Variants in FREM1 observed in about 807,000 individuals in gnomAD.
FREM1 encodes the protein FRAS1-related extracellular matrix protein 1.
A neutral mutation model predicts 210.1 loss-of-function variants in FREM1; 220 were observed. The ratio of observed to expected loss-of-function variants is 1.05; its 90% confidence interval spans 0.94 to 1.17. The LOEUF is 1.17. Ranked by LOEUF, FREM1 falls within the 50% of genes most tolerant of loss-of-function variation. FREM1 has a pLI of 0.00. For missense variants in FREM1, 3,454 were observed against 2,675.5 expected, an observed-to-expected ratio of 1.29 and a Z score of -6.42; for synonymous variants, 1,189 against 980.2, an observed-to-expected ratio of 1.21 and a Z score of -3.98.
At chr9:14,849,054 C>T (rs1427558624) in intron 6 of FREM1, among the ~76,000 whole-genome samples, 3 of 152,170 alleles carry the variant, frequency 2.0e-5, no homozygotes, top group African/African-American at 7.2e-5. Flanking sequence ...GCTTAGGAGA[C>T]CAACCCCTTC....
chr9:14,869,088 G>T lies in FREM1; in HGVS notation c.-111C>A. The T allele has an allele frequency of 3.0e-6, 2 of 666,034 alleles. No individual in the cohort carries two copies. Among genetic ancestry groups the T allele is most frequent in the Non-Finnish European group, 2.5e-6 (1 of 406,198 alleles). The allele number at this position is 666,034 out of a possible 1,614,324, so 41.3% of individuals were successfully genotyped here. On this transcript the variant is annotated 5_prime_UTR_variant, in exon 2 of 37. Coordinates refer to ENST00000380880, the MANE Select transcript of FREM1 (RefSeq NM_001379081.2). ...TCATAGTCCAAGGGGCAGGGTGAGG[G>T]GTCCTGACAATGTGCCCCGAGATCT...
At chr9:14,739,170 C>T (rs1013349786) in intron 36 of FREM1, among the ~76,000 whole-genome samples, 3 of 151,556 alleles carry the variant, frequency 2.0e-5, no homozygotes, top group Non-Finnish European at 2.9e-5. Context: ...GTGGCACAAT[C>T]ACGGCTCACT....
At chr9:14,799,928 C>T (rs1444636803) in intron 20 of FREM1, among the ~76,000 whole-genome samples, 1 of 149,590 alleles carries the variant, frequency 6.7e-6, no homozygotes, top group Non-Finnish European at 1.5e-5. Flanking sequence ...GATATATCTC[C>T]TAATGCTATC....
chr9:14,884,915 CT>C (rs745465527), intron 1 of FREM1, among the ~76,000 whole-genome samples: 1,417 of 70,266 alleles, frequency 0.02, 3 homozygotes, highest in African/African-American at 0.074. Context: ...TTCATCATAG[CT>C]TTTTTTTTTT....
chr9:14,904,088 C>CT (rs1279507195), intron 1 of FREM1, among the ~76,000 whole-genome samples: 1 of 133,784 alleles, frequency 7.5e-6, no homozygotes, highest in Non-Finnish European at 1.5e-5. Context: ...CGCCTCCAGC[C>CT]TGGGTGACAG....
At chr9:14,884,956 GCT>G (rs1329987779) in intron 1 of FREM1, among the ~76,000 whole-genome samples, 1 of 105,248 alleles carries the variant, frequency 9.5e-6, no homozygotes, top group Non-Finnish European at 1.7e-5. Context: ...ACGGAGTCTC[GCT>G]CTGTCGCCCA....
intron 8 of FREM1, among the ~76,000 whole-genome samples, chr9:14,843,193 G>C (rs970117232): frequency 6.6e-6 from 1 of 152,156 alleles, no homozygotes; most frequent in Non-Finnish European, 1.5e-5. Context: ...CTCTGACACT[G>C]GAGCTCCTGG....
chr9:14,749,703 T>C (rs1161586200), intron 30 of FREM1, among the ~76,000 whole-genome samples: 1 of 152,174 alleles, frequency 6.6e-6, no homozygotes, highest in African/African-American at 2.4e-5. Flanking sequence ...TTCACATCTA[T>C]TTTTCTCCAA....
In FREM1 at chr9:14,797,605, GCT is replaced by G; in HGVS notation, c.3730_3731del (p.Ser1244ProfsTer3). ...RLTYMHDDSESLADDFTIQLS... is the reference protein window; with the variant it reads ...RLTYMHDDSEXLADDFTIQLS... ...ATTGGATTGTAAAATCATCAGCAAG[GCT>G]CTCTGAGTCATCATGCATGTACGTC... On this transcript the variant is annotated frameshift_variant, in exon 21 of 37. Transcript: ENST00000380880. LOFTEE classifies it high-confidence loss of function. 1 of 1,611,580 alleles carries G rather than the reference GCT, an allele frequency of 6.2e-7. No individual in the cohort carries two copies. The highest frequency in any genetic ancestry group is 8.5e-7 in the Non-Finnish European group (1 of 1,178,372).
At chr9:14,789,155 CT>C (rs1330859925) in intron 22 of FREM1, 41 bp from the exon 23 acceptor site, 1 of 1,422,532 alleles carries the variant, frequency 7.0e-7, no homozygotes, top group Admixed American at 2.1e-5. Context: ...ATGGTTTTTT[CT>C]TTTCCCCCAA....
At chr9:14,871,121 G>A (rs1429219514) in intron 1 of FREM1, among the ~76,000 whole-genome samples, 3 of 152,142 alleles carry the variant, frequency 2.0e-5, no homozygotes, top group Admixed American at 6.5e-5. Flanking sequence ...ACATACGTGT[G>A]CATGTGTCTT....
At chr9:14,819,487 A>G in intron 13 of FREM1, 45 bp from the exon 14 acceptor site, 1 of 1,194,890 alleles carries the variant, frequency 8.4e-7, no homozygotes, top group Non-Finnish European at 1.2e-6. Flanking sequence ...TTTTTCCATG[A>G]CCCCTGAAGA....
intron 8 of FREM1, among the ~76,000 whole-genome samples, chr9:14,844,977 A>C (rs1480289108): frequency 2.0e-5 from 3 of 152,198 alleles, no homozygotes; most frequent in African/African-American, 7.2e-5. Context: ...CTGGCCTCCC[A>C]CTGTCCTGAG....
At chr9:14,781,935 C>T (rs933487442) in intron 24 of FREM1, among the ~76,000 whole-genome samples, 1 of 152,190 alleles carries the variant, frequency 6.6e-6, no homozygotes, top group African/African-American at 2.4e-5. Context: ...GAACTCCTGA[C>T]CTCAGGTGAT....
chr9:14,797,968 G>C (rs151235450), intron 20 of FREM1, among the ~76,000 whole-genome samples: 2 of 152,180 alleles, frequency 1.3e-5, no homozygotes, highest in African/African-American at 2.4e-5. Flanking sequence ...GAAAATTATA[G>C]AGTTATATCC....
chr9:14,904,109 C>CGT (rs951564210), intron 1 of FREM1, among the ~76,000 whole-genome samples: 1 of 95,270 alleles, frequency 1.0e-5, no homozygotes, highest in Non-Finnish European at 2.1e-5. Flanking sequence ...AGCAAGACTC[C>CGT]GTCTCAAAAA....
intron 1 of FREM1, among the ~76,000 whole-genome samples, chr9:14,901,921 G>A (rs1008405128): frequency 1.3e-5 from 2 of 151,844 alleles, no homozygotes; most frequent in African/African-American, 2.4e-5. Flanking sequence ...GCTTGATCAC[G>A]GATCACTGCA....
At position 14,869,002 on chromosome 9, in the gene FREM1, G is replaced by C; in HGVS notation, c.-25C>G. ...TGCTGACAGGGCCCAACTCTTCTCT[G>C]TCCACCGGCGAAATCCCTTTAACAA... On this transcript the variant is annotated 5_prime_UTR_variant, in exon 2 of 37. Transcript: ENST00000380880. The C allele has an allele frequency of 6.8e-7, 1 of 1,473,956 alleles. No individual in the cohort carries two copies. 91.3% of individuals were successfully genotyped at this position (1,473,956 alleles called of 1,614,324 possible). A position where few individuals can be genotyped will look rare whatever the true frequency, so the allele number is the denominator to read the frequency against.
At chr9:14,785,430 T>A (rs1219292648) in intron 23 of FREM1, among the ~76,000 whole-genome samples, 2 of 152,222 alleles carry the variant, frequency 1.3e-5, no homozygotes, top group African/African-American at 4.8e-5. Flanking sequence ...GTCCTTCAAT[T>A]GTGTGGTAGT....
Sources: allele counts gnomAD v4.1 joint callset (sites outside exome capture counted in the v4.1 genomes callset), GRCh38; gene constraint gnomAD v4.1.1; transcripts MANE v1.5; gene names NCBI Gene and HGNC (gene_info 2026-07-23, HGNC 2026-07-21).